Variants in UHRF2 observed in about 807,000 individuals in gnomAD.
UHRF2 encodes the protein E3 ubiquitin-protein ligase UHRF2.
A neutral mutation model predicts 96.8 loss-of-function variants in UHRF2; 23 were observed. The observed-to-expected ratio is 0.24, with a 90% confidence interval of 0.17 to 0.34. The LOEUF (loss-of-function observed/expected upper bound fraction) is 0.34, where lower values mean the gene tolerates loss of function less well. UHRF2 is among the 10% of genes least tolerant of loss of function. The pLI is 1.00. For missense variants in UHRF2, 685 were observed against 981.5 expected (o/e 0.70, Z 4.04); for synonymous variants, 385 against 332.6 (o/e 1.16, Z -1.72).
intron 3 of UHRF2, among the ~76,000 whole-genome samples, chr9:6,453,373 AATG>A (rs1307295353): frequency 6.6e-6 from 1 of 152,208 alleles, no homozygotes; most frequent in Non-Finnish European, 1.5e-5. Context: ...AAACATACAG[AATG>A]ATGATAATGT....
chr9:6,469,489 G>A (rs1217108960), intron 4 of UHRF2, among the ~76,000 whole-genome samples: 2 of 151,828 alleles, frequency 1.3e-5, no homozygotes, highest in East Asian at 3.9e-4. Context: ...CTGCACTTCA[G>A]CCTGGCGACA....
intron 3 of UHRF2, among the ~76,000 whole-genome samples, chr9:6,458,779 G>A (rs1048996087): frequency 6.6e-6 from 1 of 152,182 alleles, no homozygotes; most frequent in African/African-American, 2.4e-5. Context: ...TATGTTTATT[G>A]CAGCACTGTT....
intron 2 of UHRF2, among the ~76,000 whole-genome samples, chr9:6,428,749 A>G (rs1056997593): frequency 2.0e-5 from 3 of 151,958 alleles, no homozygotes; most frequent in South Asian, 2.1e-4. Context: ...GAGTTTCACT[A>G]TGTTGTCCAG....
chr9:6,492,643 C>G (rs1176444334), intron 9 of UHRF2: 2 of 152,870 alleles, frequency 1.3e-5, no homozygotes, highest in Non-Finnish European at 2.9e-5. Flanking sequence ...CACAAAACAT[C>G]ATTGTCTAAG....
intron 9 of UHRF2, among the ~76,000 whole-genome samples, chr9:6,487,721 C>G (rs913571866): frequency 1.3e-5 from 2 of 152,198 alleles, no homozygotes; most frequent in Admixed American, 6.5e-5. Flanking sequence ...AGGTTGGTCT[C>G]AAACTCCTGA....
chr9:6,424,385 AG>A (rs79718679), intron 2 of UHRF2, among the ~76,000 whole-genome samples: 5 of 152,326 alleles, frequency 3.3e-5, no homozygotes, highest in African/African-American at 9.6e-5. Flanking sequence ...CAATTAAGAG[AG>A]AATTTTTAGC....
chr9:6,437,867 C>G (rs1820942876), intron 3 of UHRF2, among the ~76,000 whole-genome samples: 1 of 152,150 alleles, frequency 6.6e-6, no homozygotes, highest in South Asian at 2.1e-4. Flanking sequence ...CCCACCTTAG[C>G]CTCCCAGAGT....
At chr9:6,501,108 A>C (rs1816269044) in intron 14 of UHRF2, among the ~76,000 whole-genome samples, 3 of 152,226 alleles carry the variant, frequency 2.0e-5, no homozygotes, top group South Asian at 4.1e-4. Context: ...CTAAGTGGTA[A>C]AATTAACCAG....
intron 2 of UHRF2, among the ~76,000 whole-genome samples, chr9:6,427,517 T>A (rs968184234): frequency 1.5e-4 from 23 of 151,962 alleles, no homozygotes; most frequent in African/African-American, 5.6e-4. Context: ...TGAAACTCCG[T>A]CTCTACTGAA....
chr9:6,494,058 C>G, intron 10 of UHRF2, 126 bp downstream of exon 10: 1 of 740,306 alleles, frequency 1.4e-6, no homozygotes, highest in South Asian at 2.1e-5. Flanking sequence ...AATTAAAATT[C>G]CAGTGCCTGA....
chr9:6,490,992 C>G (rs984232386), intron 9 of UHRF2, among the ~76,000 whole-genome samples: 7 of 152,196 alleles, frequency 4.6e-5, no homozygotes, highest in Admixed American at 4.6e-4. Context: ...GTATAAATTT[C>G]ATGAAGCCAG....
In UHRF2 at chr9:6,505,268, A is replaced by AAT. The variant is rs916906476; in HGVS notation, c.2262+588_2262+589dup. Reference sequence around the variant, plus strand: ...ATGTTTAATGTATTTAGTGCTGCTAAATATATATATATGCGTGTGTGTGTG... The same window carrying AAT: ...ATGTTTAATGTATTTAGTGCTGCTAAATATATATATATATGCGTGTGTGTGTG... On this transcript the variant is annotated intron_variant, in intron 15 of 15. Coordinates refer to ENST00000276893, the MANE Select transcript of UHRF2 (RefSeq NM_152896.3). Among the ~76,000 whole-genome samples, 136 of 151,706 alleles carry AAT rather than the reference A, an allele frequency of 9.0e-4. 1 individual carries two copies. The highest frequency in any genetic ancestry group is 3.4e-3 in the Middle Eastern group (1 of 294).
chr9:6,499,820 C>G lies in UHRF2; in HGVS notation c.1909-15C>G. The G allele has an allele frequency of 6.4e-7, 1 of 1,564,852 alleles. No homozygotes were observed. The highest frequency in any genetic ancestry group is 1.6e-5 in the African/African-American group (1 of 62,734). ...TTAAATCTGCATTGTACTCTCCCTC[C>G]TCCCCCCCCATCAGTATCCAGCAGG... On this transcript the variant is annotated splice_polypyrimidine_tract_variant and intron_variant, in intron 12 of 15. Transcript: ENST00000276893.
chr9:6,428,751 G>A (rs189394994), intron 2 of UHRF2, among the ~76,000 whole-genome samples: 10 of 151,992 alleles, frequency 6.6e-5, no homozygotes, highest in African/African-American at 2.4e-4. Flanking sequence ...GTTTCACTAT[G>A]TTGTCCAGGC....
chr9:6,483,511 C>G (rs920788048), intron 8 of UHRF2, among the ~76,000 whole-genome samples: 1 of 151,988 alleles, frequency 6.6e-6, no homozygotes, highest in African/African-American at 2.4e-5. Flanking sequence ...AAAGTCTGGA[C>G]AGATTCAGTA....
At chr9:6,442,260 A>T (rs901528571) in intron 3 of UHRF2, among the ~76,000 whole-genome samples, 1 of 152,098 alleles carries the variant, frequency 6.6e-6, no homozygotes, top group Non-Finnish European at 1.5e-5. Flanking sequence ...CACCACCTCC[A>T]GTCAGTCCTT....
chr9:6,447,406 T>C (rs1821583316), intron 3 of UHRF2, among the ~76,000 whole-genome samples: 1 of 152,220 alleles, frequency 6.6e-6, no homozygotes, highest in South Asian at 2.1e-4. Context: ...GAAAAATTGC[T>C]GTTTTATAGT....
chr9:6,434,917 G>A (rs958589420), intron 3 of UHRF2, among the ~76,000 whole-genome samples: 6 of 151,786 alleles, frequency 4.0e-5, no homozygotes, highest in Middle Eastern at 3.4e-3. Flanking sequence ...TGCAATCTCC[G>A]CCTCCTGGGC....
chr9:6,450,372 A>G (rs1001757105), intron 3 of UHRF2, among the ~76,000 whole-genome samples: 5 of 122,858 alleles, frequency 4.1e-5, no homozygotes, highest in African/African-American at 1.5e-4. Flanking sequence ...TCTGGATTTT[A>G]CTGATCACAT....
Sources: allele counts gnomAD v4.1 joint callset (sites outside exome capture counted in the v4.1 genomes callset), GRCh38; gene constraint gnomAD v4.1.1; transcripts MANE v1.5; gene names NCBI Gene and HGNC (gene_info 2026-07-23, HGNC 2026-07-21).